The following GLS variants were observed in gnomAD, a reference collection of about 807,000 sequenced individuals.
GLS encodes glutaminase.
Under a neutral mutation model 86.7 loss-of-function variants are expected in GLS, and 36 were observed. The ratio of observed to expected loss-of-function variants is 0.42; its 90% CI spans 0.32 to 0.55. GLS has a LOEUF of 0.55. Among genes scored for constraint, GLS ranks in the 20% least tolerant of loss-of-function variants. The probability of loss-of-function intolerance (pLI) is 0.17; values close to 1 mark genes in which losing one functional copy is unlikely to be tolerated. For synonymous variants in GLS, 317 were observed against 305.9 expected, an observed-to-expected ratio of 1.04 and a Z score of -0.38; for missense variants, 528 against 833.4, an observed-to-expected ratio of 0.63 and a Z score of 4.51.
At chr2:190,901,007 G>A (rs181800540) in intron 4 of GLS, among the ~76,000 whole-genome samples, 24 of 151,924 alleles carry the variant, frequency 1.6e-4, no homozygotes, top group South Asian at 6.2e-4. Context: ...AGTATTAAAC[G>A]AAATGTTTCT....
chr2:190,900,777 A>G (rs1236336485), intron 4 of GLS, 84 bp downstream of exon 4: 2 of 1,044,476 alleles, frequency 1.9e-6, no homozygotes, highest in Non-Finnish European at 2.8e-6. Flanking sequence ...TAAATTGTGT[A>G]GTTGTGTTTT....
At chr2:190,941,326 A>C (rs1189930412) in intron 14 of GLS, among the ~76,000 whole-genome samples, 1 of 152,194 alleles carries the variant, frequency 6.6e-6, no homozygotes, top group East Asian at 1.9e-4. Flanking sequence ...ATGCCATATG[A>C]TGCTATTTTT....
At chr2:190,932,449 C>A (rs1354122176) in intron 14 of GLS, among the ~76,000 whole-genome samples, 1 of 151,796 alleles carries the variant, frequency 6.6e-6, no homozygotes, top group Non-Finnish European at 1.5e-5. Context: ...ATTTTTAATA[C>A]ATACTAAGTA....
At chr2:190,937,932 T>C (rs1367968558) in intron 14 of GLS, among the ~76,000 whole-genome samples, 1 of 150,620 alleles carries the variant, frequency 6.6e-6, no homozygotes, top group South Asian at 2.1e-4. Flanking sequence ...AAACAAAAGT[T>C]ATAATCTTGC....
intron 14 of GLS, among the ~76,000 whole-genome samples, chr2:190,945,754 A>C (rs995319438): frequency 2.0e-5 from 3 of 152,062 alleles, no homozygotes; most frequent in African/African-American, 7.2e-5. Flanking sequence ...CAGTTCTTGG[A>C]GGTACCATTT....
chr2:190,887,364 G>A (rs1264618427), intron 1 of GLS, among the ~76,000 whole-genome samples: 2 of 151,932 alleles, frequency 1.3e-5, no homozygotes, highest in Non-Finnish European at 2.9e-5. Flanking sequence ...AAATGTTAAT[G>A]TACCTTGACT....
Position 190,893,730 on chromosome 2 carries a change from G to A in GLS, c.387-1422G>A, listed in dbSNP as rs112632826. Reference sequence around the variant, plus strand: ...CCTCCCAAGTAGCCGGGATTCAGGCGCCTGCCACAACGTCTGGCTAGTTTT... The same window carrying A: ...CCTCCCAAGTAGCCGGGATTCAGGCACCTGCCACAACGTCTGGCTAGTTTT... On this transcript the variant is annotated intron_variant, in intron 1 of 17. Coordinates refer to ENST00000320717, the MANE Select transcript of GLS (RefSeq NM_014905.5). 9.0e-3 allele frequency among the ~76,000 whole-genome samples: 1,369 copies of A among 151,694 alleles called. 31 individuals are homozygous for A. Among genetic ancestry groups the A allele is most frequent in the African/African-American group, 0.03 (1,235 of 41,426 alleles).
At position 190,902,328 on chromosome 2, in the gene GLS, C is replaced by T. The variant is rs1018792346; in HGVS notation, c.815+302C>T. Among the ~76,000 whole-genome samples the T allele has an allele frequency of 1.8e-4, 28 of 152,136 alleles. 1 individual carries two copies. Among genetic ancestry groups the T allele is most frequent in the Non-Finnish European group, 1.5e-4 (10 of 67,992 alleles). The stretch of plus-strand genomic sequence containing the variant: ...AGGCTTGTCAAAACATGACACTATT[C>T]TCTAATGAACTGACTACTAATAAAA... On this transcript the variant is annotated intron_variant, in intron 5 of 17. Coordinates refer to ENST00000320717, the MANE Select transcript of GLS (RefSeq NM_014905.5).
chr2:190,893,758 T>C (rs1009819941), intron 1 of GLS, among the ~76,000 whole-genome samples: 1 of 152,096 alleles, frequency 6.6e-6, no homozygotes, highest in Non-Finnish European at 1.5e-5. Flanking sequence ...CTAGTTTTTC[T>C]ATTTTTAGTA....
chr2:190,954,558 A>C lies in GLS; in HGVS notation c.1713-26A>C, dbSNP rs2124949819. ...GAATTAAATTTGCTTTATATATAAT[A>C]AATAGCTGTGCTTACACATTTTCAG... On this transcript the variant is annotated intron_variant, in intron 15 of 17. Coordinates refer to ENST00000320717, the MANE Select transcript of GLS (RefSeq NM_014905.5). This position sits in a 1 kb window ranked among gnomAD's most constrained non-coding sequence, Gnocchi z 4.0. 6.6e-7 allele frequency: 1 copy of C among 1,524,748 alleles called. No homozygotes were observed. Among genetic ancestry groups the C allele is most frequent in the Admixed American group, 1.7e-5 (1 of 58,180 alleles). The allele number at this position is 1,524,748 out of a possible 1,614,324, so 94.5% of individuals were successfully genotyped here.
rs1240840171 is a variant in GLS, at chr2:190,921,110, T to C, written c.1072-35T>C. ...TGCCACATTCTCTATATATTTGTTT[T>C]TTGATTACTAATATTCCCTACTTTT... On this transcript the variant is annotated intron_variant, in intron 8 of 17. Transcript: ENST00000320717. The surrounding 1 kb of genome is among the most constrained non-coding windows in gnomAD (Gnocchi z 4.2). 4 of 1,585,762 alleles carry C rather than the reference T, an allele frequency of 2.5e-6. No homozygotes were observed. Among genetic ancestry groups the C allele is most frequent in the Non-Finnish European group, 3.5e-6 (4 of 1,154,668 alleles).
chr2:190,907,243 GTTT>G (rs57623604), intron 6 of GLS, among the ~76,000 whole-genome samples: 1 of 135,142 alleles, frequency 7.4e-6, no homozygotes. Context: ...AATAACAGTA[GTTT>G]TTTTTTTTTT....
At position 190,895,849 on chromosome 2, in the gene GLS, ACAT is replaced by A; in HGVS notation, c.605+128_605+130del. 2 of 658,828 alleles carry A rather than the reference ACAT, an allele frequency of 3.0e-6. No individual in the cohort carries two copies. Among genetic ancestry groups the A allele is most frequent in the Non-Finnish European group, 5.1e-6 (2 of 390,746 alleles). The allele number at this position is 658,828 out of a possible 1,614,324, so 40.8% of individuals were successfully genotyped here. A position where few individuals can be genotyped will look rare whatever the true frequency, so the allele number is the denominator to read the frequency against. Reference sequence around the variant, plus strand: ...TGTAATGGAAAAAGGGGATTTATAAACATCATTTGTTTGAAGAACTTGGTACAT... The same window carrying A: ...TGTAATGGAAAAAGGGGATTTATAAACATTTGTTTGAAGAACTTGGTACAT... On this transcript the variant is annotated intron_variant, in intron 3 of 17. Transcript: ENST00000320717. This position sits in a 1 kb window ranked among gnomAD's most constrained non-coding sequence, Gnocchi z 4.2.
rs1688682571 is a variant in GLS, at chr2:190,895,039, GTA to G, written c.387-109_387-108del. The G allele has an allele frequency of 1.8e-6, 1 of 558,250 alleles. No homozygotes were observed. The highest frequency in any genetic ancestry group is 3.2e-5 in the South Asian group (1 of 31,732). The allele number at this position is 558,250 out of a possible 1,614,324, so 34.6% of individuals were successfully genotyped here. A position where few individuals can be genotyped will look rare whatever the true frequency, so the allele number is the denominator to read the frequency against. ...ACATTTATTATGACTGTAGTCTTGA[GTA>G]TATGAGCTCAGCTGTAGTCTAGTTT... is the stretch of plus-strand genomic sequence containing the variant. On this transcript the variant is annotated intron_variant, in intron 1 of 17. Coordinates refer to ENST00000320717, the MANE Select transcript of GLS (RefSeq NM_014905.5). This position sits in a 1 kb window ranked among gnomAD's most constrained non-coding sequence, Gnocchi z 4.2.
In GLS at chr2:190,881,320, T is replaced by G; in HGVS notation, c.236T>G (p.Ile79Ser). The change falls in exon 1 of 18, where the codon ATC becomes AGC. Residue 79 changes from isoleucine (I) to serine (S), a missense_variant. Coordinates refer to ENST00000320717, the MANE Select transcript of GLS (RefSeq NM_014905.5). ...GGCCTGTCCAGCTCTCCTTCGGAGATCTTGCAGGAGCTGGGCAAGGGGAGC... is the reference window on the plus strand; with the variant it reads ...GGCCTGTCCAGCTCTCCTTCGGAGAGCTTGCAGGAGCTGGGCAAGGGGAGC... ...ARGLSSSPSE[I>S]LQELGKGSTH... is the part of the protein sequence containing the mutation. 6.6e-7 allele frequency: 1 copy of G among 1,517,172 alleles called. No individual in the cohort carries two copies. Among genetic ancestry groups the G allele is most frequent in the Non-Finnish European group, 8.8e-7 (1 of 1,132,900 alleles). 94.0% of individuals were successfully genotyped at this position (1,517,172 alleles called of 1,614,324 possible). A position where few individuals can be genotyped will look rare whatever the true frequency, so the allele number is the denominator to read the frequency against.
At chr2:190,929,881 T>C (rs1036800173) in intron 12 of GLS, among the ~76,000 whole-genome samples, 2 of 151,874 alleles carry the variant, frequency 1.3e-5, no homozygotes, top group Non-Finnish European at 2.9e-5. Flanking sequence ...GGAGTCTCAC[T>C]CTGTTGCCCA....
chr2:190,903,992 C>A (rs1291231641), intron 5 of GLS, among the ~76,000 whole-genome samples: 1 of 152,166 alleles, frequency 6.6e-6, no homozygotes, highest in Admixed American at 6.5e-5. Context: ...TTGGCCAGAA[C>A]TTTTTCATTC....
At chr2:190,886,957 C>G (rs368784066) in intron 1 of GLS, among the ~76,000 whole-genome samples, 2 of 150,786 alleles carry the variant, frequency 1.3e-5, no homozygotes, top group African/African-American at 4.9e-5. Flanking sequence ...AAAGGCTGTA[C>G]TACTTCCTTC....
Position 190,913,303 on chromosome 2 carries a change from T to C in GLS, c.1038+2982T>C. On this transcript the variant is annotated intron_variant, in intron 7 of 17. Coordinates refer to ENST00000320717, the MANE Select transcript of GLS (RefSeq NM_014905.5). The surrounding 1 kb of genome is among the most constrained non-coding windows in gnomAD (Gnocchi z 6.1). ...GGACAGAAGGAGCCTGTTGCATAAA[T>C]TCTTAACTACTAAGCTTATAGGAAA... 1 of 1,276,928 alleles carries C rather than the reference T, an allele frequency of 7.8e-7. No homozygotes were observed. The allele number at this position is 1,276,928 out of a possible 1,614,324, so 79.1% of individuals were successfully genotyped here.
Sources: gnomAD v4.1 joint callset for allele counts (sites outside exome capture counted in the v4.1 genomes callset) on GRCh38, gnomAD v4.1.1 for gene constraint, Gnocchi (gnomAD v3.1) non-coding constraint, MANE v1.5 for transcripts, NCBI Gene and HGNC (gene_info 2026-07-23, HGNC 2026-07-21) for gene names.